Variants in ZNF493 observed in about 807,000 individuals in gnomAD.
ZNF493 encodes the protein zinc finger protein 493.
ZNF493 carries 11 observed loss-of-function variants against 12.2 expected under a neutral mutation model. The observed-to-expected ratio is 0.90, with a 90% confidence interval of 0.57 to 1.50. The LOEUF (loss-of-function observed/expected upper bound fraction) is 1.50. Among genes scored for constraint, ZNF493 ranks in the 40% most tolerant of loss-of-function variants. The pLI, the probability that ZNF493 is intolerant of heterozygous loss-of-function variation, is 0.00. For synonymous variants in ZNF493, 286 were observed against 302.6 expected, an observed-to-expected ratio of 0.95 and a Z score of 0.57; for missense variants, 950 against 906.6, an observed-to-expected ratio of 1.05 and a Z score of -0.61.
At chr19:21,409,357 A>G (rs548244684) in intron 3 of ZNF493, among the ~76,000 whole-genome samples, 1 of 151,046 alleles carries the variant, frequency 6.6e-6, no homozygotes, top group Admixed American at 6.6e-5. Flanking sequence ...TTTTGAAAAG[A>G]TTTATAATTC....
chr19:21,418,072 C>T (rs1242409186), intron 3 of ZNF493, among the ~76,000 whole-genome samples: 3 of 152,186 alleles, frequency 2.0e-5, no homozygotes, highest in African/African-American at 7.2e-5. Context: ...TGCTGAATTC[C>T]TGCCTGAATG....
intron 3 of ZNF493, chr19:21,407,766 C>T: frequency 1.0e-6 from 1 of 984,520 alleles, no homozygotes; most frequent in Non-Finnish European, 1.2e-6. Flanking sequence ...CCTCAAACAG[C>T]AACTTTTTAC....
chr19:21,420,124 C>T (rs62110426), intron 3 of ZNF493, among the ~76,000 whole-genome samples: 21,427 of 152,142 alleles, frequency 0.14, 1,979 homozygotes, highest in Non-Finnish European at 0.21. Context: ...TAGCAGGAAC[C>T]TGTCTCCTTC....
intron 1 of ZNF493, among the ~76,000 whole-genome samples, chr19:21,401,521 A>G (rs2029942454): frequency 6.6e-6 from 1 of 152,088 alleles, no homozygotes; most frequent in African/African-American, 2.4e-5. Context: ...TAATCTTAGT[A>G]GGAGTGGTAC....
chr19:21,415,594 G>A (rs1223014634), intron 3 of ZNF493, among the ~76,000 whole-genome samples: 3 of 152,154 alleles, frequency 2.0e-5, no homozygotes, highest in Non-Finnish European at 4.4e-5. Flanking sequence ...TATTTCTCAA[G>A]TGGCGGCAGC....
intron 3 of ZNF493, among the ~76,000 whole-genome samples, chr19:21,415,502 T>G (rs935283057): frequency 4.6e-5 from 7 of 151,860 alleles, no homozygotes; most frequent in African/African-American, 1.5e-4. Context: ...GAGTAGGGAG[T>G]AGTAGTCTGA....
At chr19:21,412,830 C>CT in intron 3 of ZNF493, 1 of 328,510 alleles carries the variant, frequency 3.0e-6, no homozygotes, top group Non-Finnish European at 5.9e-6. Context: ...TTTCTAGATG[C>CT]TTTTTTATTC....
intron 3 of ZNF493, among the ~76,000 whole-genome samples, chr19:21,406,491 G>A (rs924871283): frequency 3.3e-5 from 5 of 152,074 alleles, no homozygotes; most frequent in African/African-American, 1.2e-4. Flanking sequence ...ATAAGAGACT[G>A]CACAATCTGA....
intron 3 of ZNF493, among the ~76,000 whole-genome samples, chr19:21,421,422 A>G (rs1384791711): frequency 6.6e-6 from 1 of 151,792 alleles, no homozygotes; most frequent in Non-Finnish European, 1.5e-5. Flanking sequence ...CTGGGGTGCA[A>G]TGGCATGATC....
intron 3 of ZNF493, among the ~76,000 whole-genome samples, chr19:21,420,229 A>T (rs2030614815): frequency 6.6e-6 from 1 of 151,988 alleles, no homozygotes; most frequent in African/African-American, 2.4e-5. Context: ...ATGTTAATTT[A>T]TTGTTCTATT....
Position 21,419,319 on chromosome 19 carries a change from C to A in ZNF493, c.254-3594C>A, listed in dbSNP as rs577269887. On this transcript the variant is annotated intron_variant, in intron 3 of 3. Transcript: ENST00000392288. Reference sequence around the variant, plus strand: ...AACTTTTTTTGTCAGACGAGATCTACCACAGGGGCCTTGTATTAGGGTTCT... The same window carrying A: ...AACTTTTTTTGTCAGACGAGATCTAACACAGGGGCCTTGTATTAGGGTTCT... 5.6e-5 allele frequency among the ~76,000 whole-genome samples: 8 copies of A among 141,676 alleles called. No individual in the cohort carries two copies. The East Asian group carries it at 1.7e-3, about 31-fold the overall frequency. 92.9% of individuals were successfully genotyped at this position (141,676 alleles called of 152,430 possible).
At position 21,425,264 on chromosome 19, in the gene ZNF493, A is replaced by G. The variant is rs530566697; in HGVS notation, c.*280A>G. On this transcript the variant is annotated 3_prime_UTR_variant, in exon 4 of 4. Coordinates refer to ENST00000392288, the MANE Select transcript of ZNF493 (RefSeq NM_001076678.3). ...ATAAGAGAATTCATACCATAGAGAA[A>G]TCCTACAAATATGAAGAATGTGACA... 6.1e-6 allele frequency: 3 copies of G among 490,968 alleles called. No individual in the cohort carries two copies. The East Asian group carries it at 1.2e-4, about 20-fold the overall frequency. 30.4% of individuals were successfully genotyped at this position (490,968 alleles called of 1,614,324 possible). A position where few individuals can be genotyped will look rare whatever the true frequency, so the allele number is the denominator to read the frequency against.
chr19:21,424,378 C>T lies in ZNF493; in HGVS notation c.1719C>T (p.Tyr573=). The change falls in exon 4 of 4, where the codon TAC becomes TAT. Residue 573 remains tyrosine (Y), a synonymous_variant. Transcript: ENST00000392288. ...GAATTCATACTGGACACAAACCCTA[C>T]AAATGTAAAGAATGTGGCAAATCCT... ...HKRIHTGHKP[Y]KCKECGKSFS... 6.2e-7 allele frequency: 1 copy of T among 1,613,372 alleles called. No individual in the cohort carries two copies. Among genetic ancestry groups the T allele is most frequent in the Non-Finnish European group, 8.5e-7 (1 of 1,179,692 alleles).
At chr19:21,414,951 A>G (rs34560125) in intron 3 of ZNF493, among the ~76,000 whole-genome samples, 28,847 of 152,190 alleles carry the variant, frequency 0.19, 2,969 homozygotes, top group Non-Finnish European at 0.24. Context: ...GGGTTTGCCA[A>G]GTAAGACTAT....
intron 3 of ZNF493, among the ~76,000 whole-genome samples, chr19:21,409,185 C>G (rs1449838849): frequency 6.6e-6 from 1 of 151,910 alleles, no homozygotes; most frequent in African/African-American, 2.4e-5. Flanking sequence ...CACCCTGCCT[C>G]TTGTATATAT....
rs752660966 is a variant in ZNF493 at position 21,423,669 on chromosome 19, C to G, written c.1010C>G (p.Thr337Ser). ...GKAFSIFSTP[T>S]KHKIIHTEEK... is the part of the protein sequence containing the mutation. The stretch of plus-strand genomic sequence containing the variant: ...GCCTTTAGTATTTTCTCAACCCCTA[C>G]TAAACATAAGATAATTCACACTGAA... Residue 337 changes from threonine (T) to serine (S), a missense_variant, in exon 4 of 4, where the codon ACT becomes AGT. Transcript: ENST00000392288. The G allele has an allele frequency of 6.2e-7, 1 of 1,611,270 alleles. No individual in the cohort carries two copies. Among genetic ancestry groups the G allele is most frequent in the Non-Finnish European group, 8.5e-7 (1 of 1,179,770 alleles).
intron 1 of ZNF493, among the ~76,000 whole-genome samples, chr19:21,399,557 A>G (rs1234901490): frequency 1.3e-5 from 2 of 152,202 alleles, no homozygotes; most frequent in African/African-American, 2.4e-5. Context: ...TGTAAATTGC[A>G]TTATATTAGT....
chr19:21,421,470 A>G (rs1389372362), intron 3 of ZNF493, among the ~76,000 whole-genome samples: 1 of 152,018 alleles, frequency 6.6e-6, no homozygotes, highest in Non-Finnish European at 1.5e-5. Context: ...GGTTCAAGCA[A>G]TTCTCCTGCC....
Position 21,424,265 on chromosome 19 carries a change from A to G in ZNF493, c.1606A>G (p.Lys536Glu), listed in dbSNP as rs1568384300. 2.5e-6 allele frequency: 4 copies of G among 1,612,502 alleles called. No homozygotes were observed. The South Asian group carries it at 4.4e-5, about 18-fold the overall frequency. The change falls in exon 4 of 4, where the codon AAA becomes GAA. Residue 536 changes from lysine to glutamate, a missense_variant. Physicochemically the swap from Lys to Glu is moderately conservative, Grantham distance 56. Coordinates refer to ENST00000392288, the MANE Select transcript of ZNF493 (RefSeq NM_001076678.3). ...ACGATCTTCAACCCTTACTATACAT[A>G]AAATGATTCACACTGGAGAAAAACC... ...FKRSSTLTIH[K>E]MIHTGEKPYK...
Sources: allele counts gnomAD v4.1 joint callset (sites outside exome capture counted in the v4.1 genomes callset), GRCh38; gene constraint gnomAD v4.1.1; transcripts MANE v1.5; gene names NCBI Gene and HGNC (gene_info 2026-07-23, HGNC 2026-07-21).